DGKB: variants seen among roughly 807,000 people sequenced by gnomAD.
DGKB encodes diacylglycerol kinase beta, also known as 90 kDa diacylglycerol kinase.
In DGKB, 67 loss-of-function variants were observed where a neutral mutation model predicts 114.3. The observed-to-expected ratio is 0.59, with a 90% CI of 0.48 to 0.72. The LOEUF (loss-of-function observed/expected upper bound fraction) is 0.72, where lower values mean the gene tolerates loss of function less well. DGKB is among the 30% of genes least tolerant of loss of function. DGKB has a pLI of 0.00. For synonymous variants in DGKB, 398 were observed against 323.1 expected (o/e 1.23, Z -2.49); for missense variants, 907 against 975.2 (o/e 0.93, Z 0.93).
chr7:14,929,083 T>A (rs536124430), intron 1 of DGKB, among the ~76,000 whole-genome samples: 11 of 151,182 alleles, frequency 7.3e-5, no homozygotes, highest in African/African-American at 2.7e-4. Flanking sequence ...CTTTATACAG[T>A]CTAGTACTAC....
At chr7:14,304,158 CT>C (rs1286654588) in intron 23 of DGKB, among the ~76,000 whole-genome samples, 4 of 150,992 alleles carry the variant, frequency 2.6e-5, no homozygotes, top group Non-Finnish European at 5.9e-5. Flanking sequence ...ACAAATCAAC[CT>C]GTAATTCTTC....
intron 23 of DGKB, among the ~76,000 whole-genome samples, chr7:14,195,659 G>A (rs569580694): frequency 6.6e-6 from 1 of 152,046 alleles, no homozygotes; most frequent in South Asian, 2.1e-4. Flanking sequence ...CTTTATTTTA[G>A]TTTCAGTGAA....
At chr7:14,789,506 T>C (rs1344991804) in intron 2 of DGKB, among the ~76,000 whole-genome samples, 3 of 152,184 alleles carry the variant, frequency 2.0e-5, no homozygotes, top group Non-Finnish European at 4.4e-5. Flanking sequence ...GAAGACTATC[T>C]GGGTTGTTTT....
intron 20 of DGKB, among the ~76,000 whole-genome samples, chr7:14,573,680 T>C (rs953474894): frequency 1.3e-5 from 2 of 152,132 alleles, no homozygotes; most frequent in Admixed American, 6.5e-5. Flanking sequence ...AACTGCCATA[T>C]AATATTTTAC....
At chr7:14,838,256 C>T (rs1417805001) in intron 2 of DGKB, among the ~76,000 whole-genome samples, 4 of 152,114 alleles carry the variant, frequency 2.6e-5, no homozygotes, top group African/African-American at 9.7e-5. Flanking sequence ...GTAGAAATGT[C>T]TTTCTTCTAA....
At chr7:14,857,114 A>G (rs1407440919) in intron 1 of DGKB, among the ~76,000 whole-genome samples, 5 of 152,146 alleles carry the variant, frequency 3.3e-5, no homozygotes, top group African/African-American at 1.2e-4. Context: ...AAAGAAGCTT[A>G]TTCTGGGTGA....
At chr7:14,150,478 A>G (rs1782027846) in intron 25 of DGKB, among the ~76,000 whole-genome samples, 1 of 152,090 alleles carries the variant, frequency 6.6e-6, no homozygotes, top group Admixed American at 6.6e-5. Context: ...CACAGTCTAG[A>G]AAGACAGAAG....
At chr7:14,156,432 A>G (rs1051836954) in intron 25 of DGKB, among the ~76,000 whole-genome samples, 1 of 152,146 alleles carries the variant, frequency 6.6e-6, no homozygotes, top group African/African-American at 2.4e-5. Flanking sequence ...TTATACAGCA[A>G]AGGCAGTTTT....
intron 23 of DGKB, among the ~76,000 whole-genome samples, chr7:14,314,475 C>T (rs997066602): frequency 1.2e-4 from 18 of 151,696 alleles, no homozygotes; most frequent in East Asian, 5.8e-4. Flanking sequence ...TCGAGAACTA[C>T]GTGAAGAATG....
At chr7:14,737,269 G>T (rs966148575) in intron 4 of DGKB, among the ~76,000 whole-genome samples, 2 of 144,848 alleles carry the variant, frequency 1.4e-5, no homozygotes, top group Non-Finnish European at 3.0e-5. Flanking sequence ...TTTATAGGTA[G>T]CCCTTGAAGG....
At chr7:14,924,653 TC>T (rs1289225202) in intron 1 of DGKB, among the ~76,000 whole-genome samples, 1 of 152,138 alleles carries the variant, frequency 6.6e-6, no homozygotes, top group Non-Finnish European at 1.5e-5. Flanking sequence ...ATCAAAGGTT[TC>T]CAATTTTTTT....
At chr7:14,227,019 C>A (rs1790907748) in intron 23 of DGKB, among the ~76,000 whole-genome samples, 1 of 151,990 alleles carries the variant, frequency 6.6e-6, no homozygotes, top group Admixed American at 6.6e-5. Flanking sequence ...ACTACAGGTG[C>A]CCGCACCGCA....
intron 23 of DGKB, among the ~76,000 whole-genome samples, chr7:14,210,699 GTCTTCAAA>G (rs1050837965): frequency 1.4e-4 from 22 of 152,102 alleles, no homozygotes; most frequent in Admixed American, 2.6e-4. Flanking sequence ...CTCTCTTCAA[GTCTTCAAA>G]TCTTTCTCAC....
rs1785054719 is a variant in DGKB, at chr7:14,196,633, C to G, written c.2123-18482G>C. ...TGTAAATAACCATAAGAAATACAAT[C>G]TCCTTTGTCATTTCGATCACAAAGT... is the stretch of plus-strand genomic sequence containing the variant. On this transcript the variant is annotated intron_variant, in intron 23 of 25. Coordinates refer to ENST00000402815, the MANE Select transcript of DGKB (RefSeq NM_001350709.2). Among the ~76,000 whole-genome samples the G allele has an allele frequency of 2.0e-5, 3 of 152,144 alleles. No individual in the cohort carries two copies. In the South Asian group the frequency reaches 6.2e-4, roughly 32 times the overall value.
At chr7:14,311,448 G>T (rs1047490523) in intron 23 of DGKB, among the ~76,000 whole-genome samples, 11 of 151,672 alleles carry the variant, frequency 7.3e-5, no homozygotes, top group Non-Finnish European at 1.3e-4. Flanking sequence ...TTTAGACAAG[G>T]TTTCACTCTG....
intron 23 of DGKB, among the ~76,000 whole-genome samples, chr7:14,321,548 C>T (rs1373850469): frequency 6.6e-6 from 1 of 150,764 alleles, no homozygotes; most frequent in African/African-American, 2.4e-5. Flanking sequence ...ACACCAACGT[C>T]CATTTTCACC....
chr7:14,672,588 C>T (rs890527152), intron 13 of DGKB, among the ~76,000 whole-genome samples: 1 of 151,790 alleles, frequency 6.6e-6, no homozygotes, highest in African/African-American at 2.4e-5. Context: ...GCAAAATTGC[C>T]CATAAGAATA....
At chr7:14,284,738 A>T (rs1261825014) in intron 23 of DGKB, among the ~76,000 whole-genome samples, 1 of 151,556 alleles carries the variant, frequency 6.6e-6, no homozygotes, top group Non-Finnish European at 1.5e-5. Context: ...GGAAACCATC[A>T]TTCTCAGTAA....
At chr7:14,263,837 A>T (rs1156340675) in intron 23 of DGKB, among the ~76,000 whole-genome samples, 1 of 152,184 alleles carries the variant, frequency 6.6e-6, no homozygotes, top group Non-Finnish European at 1.5e-5. Context: ...CCTTTATGTT[A>T]TATGCCACTT....
Sources: allele counts gnomAD v4.1 joint callset (sites outside exome capture counted in the v4.1 genomes callset), GRCh38; gene constraint gnomAD v4.1.1; transcripts MANE v1.5; gene names NCBI Gene and HGNC (gene_info 2026-07-23, HGNC 2026-07-21).